Variants in LRRK1 observed in about 807,000 individuals in gnomAD.
The protein encoded by LRRK1 is leucine-rich repeat serine/threonine-protein kinase 1.
Under a neutral mutation model 209.1 loss-of-function variants are expected in LRRK1, and 113 were observed. The observed-to-expected ratio is 0.54, with a 90% confidence interval of 0.46 to 0.63. The LOEUF is 0.63. Ranked by LOEUF, LRRK1 falls within the 30% of genes least tolerant of loss-of-function variation. The pLI, the probability that LRRK1 is intolerant of heterozygous loss-of-function variation, is 0.00. For missense variants in LRRK1, 2,284 were observed against 2,632.2 expected (o/e 0.87, Z 2.89); for synonymous variants, 1,144 against 1,099.7 (o/e 1.04, Z -0.80).
rs149998098 is a variant in LRRK1 at position 100,968,570 on chromosome 15, C to G, written c.98-5234C>G. ...CATTGTGGTTTTAATTTGCATTTCC[C>G]TGATGACTAATGACATTGAGCTTTT... On this transcript the variant is annotated intron_variant, in intron 2 of 33. Transcript: ENST00000388948. Among the ~76,000 whole-genome samples the G allele has an allele frequency of 7.7e-3, 1,172 of 152,286 alleles. 19 individuals are homozygous for G. The highest frequency in any genetic ancestry group is 0.027 in the African/African-American group (1,127 of 41,574).
At chr15:100,933,554 T>G (rs1234098556) in intron 2 of LRRK1, among the ~76,000 whole-genome samples, 1 of 152,074 alleles carries the variant, frequency 6.6e-6, no homozygotes, top group African/African-American at 2.4e-5. Context: ...CCAGGTCCAG[T>G]AACACACTGG....
intron 3 of LRRK1, 78 bp from the exon 4 acceptor site, chr15:100,983,450 G>A (rs1210853679): frequency 7.3e-7 from 1 of 1,368,916 alleles, no homozygotes; most frequent in Non-Finnish European, 9.9e-7. Flanking sequence ...CCGGGACCTG[G>A]TGAAGGGTTT....
chr15:100,966,460 GAAAAAT>G (rs997065124), intron 2 of LRRK1, among the ~76,000 whole-genome samples: 3 of 152,146 alleles, frequency 2.0e-5, no homozygotes, highest in Non-Finnish European at 4.4e-5. Context: ...AAATAAAGAA[GAAAAAT>G]CTTTTCTAGT....
In LRRK1 at chr15:100,956,460, T is replaced by TCTTTTC. The variant is rs1567199351; in HGVS notation, c.98-17344_98-17343insCTTTTC. 2.1e-4 allele frequency among the ~76,000 whole-genome samples: 21 copies of TCTTTTC among 100,028 alleles called. 1 individual carries two copies. The highest frequency in any genetic ancestry group is 7.0e-4 in the South Asian group (2 of 2,856). The allele number at this position is 100,028 out of a possible 152,430, so 65.6% of individuals were successfully genotyped here. A position where few individuals can be genotyped will look rare whatever the true frequency, so the allele number is the denominator to read the frequency against. Reference sequence around the variant, plus strand: ...TTTTCTTTCCTTTTTTTTTTCTTTTTTTTTTTTTTTTTTGAGACAGAATCT... The same window carrying TCTTTTC: ...TTTTCTTTCCTTTTTTTTTTCTTTTTCTTTTCTTTTTTTTTTTTTGAGACAGAATCT... On this transcript the variant is annotated intron_variant, in intron 2 of 33. Coordinates refer to ENST00000388948, the MANE Select transcript of LRRK1 (RefSeq NM_024652.6).
intron 6 of LRRK1, among the ~76,000 whole-genome samples, chr15:100,994,834 C>G (rs1245100557): frequency 1.3e-5 from 2 of 152,148 alleles, no homozygotes; most frequent in Admixed American, 6.5e-5. Context: ...GTGCTGCTGG[C>G]AGAAGAGAAC....
At position 101,069,113 on chromosome 15, in the gene LRRK1, G is replaced by A. The variant is rs1399061671; in HGVS notation, c.*265G>A. ...AGGGAAGACAGTGGTATCAGGCTGGGAGCGGCCTCCTCTGGCCTCCCCCAT... is the reference window on the plus strand; with the variant it reads ...AGGGAAGACAGTGGTATCAGGCTGGAAGCGGCCTCCTCTGGCCTCCCCCAT... On this transcript the variant is annotated 3_prime_UTR_variant, in exon 34 of 34. Coordinates refer to ENST00000388948, the MANE Select transcript of LRRK1 (RefSeq NM_024652.6). 1 of 345,434 alleles carries A rather than the reference G, an allele frequency of 2.9e-6. No individual in the cohort carries two copies. The highest frequency in any genetic ancestry group is 2.1e-5 in the African/African-American group (1 of 47,786). The allele number at this position is 345,434 out of a possible 1,614,324, so 21.4% of individuals were successfully genotyped here.
chr15:100,932,132 C>T lies in LRRK1; in HGVS notation c.97+7403C>T, dbSNP rs139836406. Among the ~76,000 whole-genome samples, 621 of 152,244 alleles carry T rather than the reference C, an allele frequency of 4.1e-3. 4 individuals are homozygous for T. The highest frequency in any genetic ancestry group is 0.014 in the African/African-American group (590 of 41,542). On this transcript the variant is annotated intron_variant, in intron 2 of 33. Coordinates refer to ENST00000388948, the MANE Select transcript of LRRK1 (RefSeq NM_024652.6). ...TCCTGAGTAGCTGGGATTACAGGCA[C>T]TCGCCACCACGCCCAGCAAATTTTT...
rs1312269963 is a variant in LRRK1 at position 101,014,435 on chromosome 15, A to T, written c.1532+7A>T. The T allele has an allele frequency of 1.9e-6, 3 of 1,589,004 alleles. No individual in the cohort carries two copies. The Admixed American group carries it at 5.0e-5, about 27-fold the overall frequency. On this transcript the variant is annotated splice_region_variant and intron_variant, in intron 11 of 33. Transcript: ENST00000388948. ...CCAGAAACCAACTTGGCAAGTAAGC[A>T]GGGGCCTCTCCTCCCTGGCCAGTTC...
chr15:101,017,943 A>G (rs2033617136), intron 12 of LRRK1, among the ~76,000 whole-genome samples: 1 of 152,118 alleles, frequency 6.6e-6, no homozygotes, highest in South Asian at 2.1e-4. Context: ...TAAGGAATAT[A>G]GGTATAACTT....
At chr15:100,977,895 A>G (rs2031382878) in intron 3 of LRRK1, among the ~76,000 whole-genome samples, 2 of 152,202 alleles carry the variant, frequency 1.3e-5, no homozygotes, top group South Asian at 4.1e-4. Context: ...AGATGCCAAC[A>G]CTAGGATGAC....
chr15:101,071,926 T>C lies in LRRK1; in HGVS notation c.*3078T>C, dbSNP rs897610616. ...TCTGAGGGCACTGGGTGCAAGGGCC[T>C]TGCACATGCAAAGACCCTGTTGTGG... On this transcript the variant is annotated 3_prime_UTR_variant, in exon 34 of 34. Transcript: ENST00000388948. The C allele has an allele frequency of 6.6e-6, 1 of 152,244 alleles. No individual in the cohort carries two copies. Among genetic ancestry groups the C allele is most frequent in the African/African-American group, 2.4e-5 (1 of 41,430 alleles). 9.4% of individuals were successfully genotyped at this position (152,244 alleles called of 1,614,324 possible). A position where few individuals can be genotyped will look rare whatever the true frequency, so the allele number is the denominator to read the frequency against.
At chr15:100,997,355 T>G (rs2141678479) in intron 6 of LRRK1, among the ~76,000 whole-genome samples, 1 of 152,338 alleles carries the variant, frequency 6.6e-6, no homozygotes, top group African/African-American at 2.4e-5. Flanking sequence ...TCGAATTTAA[T>G]TTAGCCAAAG....
At position 101,074,024 on chromosome 15, in the gene LRRK1, A is replaced by G. The variant is rs1242162560; in HGVS notation, c.*5176A>G. 2 of 152,106 alleles carry G rather than the reference A, an allele frequency of 1.3e-5. No individual in the cohort carries two copies. Among genetic ancestry groups the G allele is most frequent in the East Asian group, 1.9e-4 (1 of 5,198 alleles). 9.4% of individuals were successfully genotyped at this position (152,106 alleles called of 1,614,324 possible). A position where few individuals can be genotyped will look rare whatever the true frequency, so the allele number is the denominator to read the frequency against. On this transcript the variant is annotated 3_prime_UTR_variant, in exon 34 of 34. Transcript: ENST00000388948. ...ATAATTCTTGTCGTAAAATGGGCAA[A>G]TGGTCTGAGGTGCCTGACGTCCAGG...
chr15:101,003,624 C>A (rs1227448188), intron 6 of LRRK1, among the ~76,000 whole-genome samples: 1 of 152,152 alleles, frequency 6.6e-6, no homozygotes, highest in African/African-American at 2.4e-5. Flanking sequence ...ATAAAACCAT[C>A]AGATCTCATG....
chr15:100,947,289 A>G (rs894102589), intron 2 of LRRK1, among the ~76,000 whole-genome samples: 1 of 152,214 alleles, frequency 6.6e-6, no homozygotes, highest in Admixed American at 6.5e-5. Context: ...ACACAGGATT[A>G]GGCAGTTTAA....
chr15:101,075,234 C>G lies in LRRK1; in HGVS notation c.*6386C>G, dbSNP rs548246121. ...CTCTTAAAACTCCCCAACTCTGGTGCCAACTTAGACAATACTCTTTTAAGC... is the reference window on the plus strand; with the variant it reads ...CTCTTAAAACTCCCCAACTCTGGTGGCAACTTAGACAATACTCTTTTAAGC... On this transcript the variant is annotated 3_prime_UTR_variant, in exon 34 of 34. Coordinates refer to ENST00000388948, the MANE Select transcript of LRRK1 (RefSeq NM_024652.6). 1 of 28,966 alleles carries G rather than the reference C, an allele frequency of 3.5e-5. No individual in the cohort carries two copies. The highest frequency in any genetic ancestry group is 1.4e-3 in the South Asian group (1 of 738). The allele number at this position is 28,966 out of a possible 1,614,324, so 1.8% of individuals were successfully genotyped here.
intron 6 of LRRK1, among the ~76,000 whole-genome samples, chr15:101,005,535 G>A (rs2032903386): frequency 6.6e-6 from 1 of 152,210 alleles, no homozygotes; most frequent in Admixed American, 6.5e-5. Context: ...TCCCATCAAT[G>A]GGCTGAAAAG....
At chr15:100,955,131 C>A (rs1247871678) in intron 2 of LRRK1, among the ~76,000 whole-genome samples, 1 of 152,160 alleles carries the variant, frequency 6.6e-6, no homozygotes, top group Non-Finnish European at 1.5e-5. Context: ...TGCTTCCAAT[C>A]CATGGAGACA....
chr15:101,009,093 G>A (rs759193524), intron 7 of LRRK1, 30 bp downstream of exon 7: 21 of 1,517,666 alleles, frequency 1.4e-5, no homozygotes, highest in Non-Finnish European at 1.8e-5. Context: ...CCGGAGCCGT[G>A]TGTGACCCCG....
Sources: gnomAD v4.1 joint callset for allele counts (sites outside exome capture counted in the v4.1 genomes callset) on GRCh38, gnomAD v4.1.1 for gene constraint, MANE v1.5 for transcripts, NCBI Gene and HGNC (gene_info 2026-07-23, HGNC 2026-07-21) for gene names.